Variants in DDX60L observed in about 807,000 individuals in gnomAD.
DDX60L encodes the protein probable ATP-dependent RNA helicase DDX60-like.
A neutral mutation model predicts 211.6 loss-of-function variants in DDX60L; 191 were observed. The ratio of observed to expected loss-of-function variants is 0.90; its 90% CI spans 0.80 to 1.02. The LOEUF (loss-of-function observed/expected upper bound fraction) is 1.02, where lower values mean the gene tolerates loss of function less well. DDX60L is among the 50% of genes least tolerant of loss of function. The probability of loss-of-function intolerance (pLI) is 0.00; values close to 1 mark genes in which losing one functional copy is unlikely to be tolerated. For missense variants in DDX60L, 2,007 were observed against 1,984.1 expected (o/e 1.01, Z -0.22); for synonymous variants, 706 against 694.1 (o/e 1.02, Z -0.27).
intron 1 of DDX60L, chr4:168,475,934 ACTCT>A (rs1167188717): frequency 7.4e-6 from 1 of 135,336 alleles, no homozygotes. Flanking sequence ...CTGCTTGCTC[ACTCT>A]CTCTCTCAGA....
chr4:168,480,065 GGCTGTGCTCA>G (rs1172876360), intron 1 of DDX60L: 2 of 151,700 alleles, frequency 1.3e-5, no homozygotes, highest in Non-Finnish European at 2.9e-5. Context: ...AGGTTCGAAT[GGCTGTGCTCA>G]GATGTGGTGA....
chr4:168,377,640 T>G (rs980859702), intron 33 of DDX60L: 4 of 152,174 alleles, frequency 2.6e-5, no homozygotes, highest in African/African-American at 4.8e-5. Flanking sequence ...AATGTGGATA[T>G]ATGTCAGTAA....
At chr4:168,395,444 T>C (rs1745602969) in intron 27 of DDX60L, among the ~76,000 whole-genome samples, 1 of 152,188 alleles carries the variant, frequency 6.6e-6, no homozygotes, top group African/African-American at 2.4e-5. Flanking sequence ...GAACAGTGAG[T>C]CTCTCTGAGC....
At chr4:168,378,529 T>C (rs897978650) in intron 32 of DDX60L, 54 bp from the exon 33 acceptor site, 1 of 1,343,150 alleles carries the variant, frequency 7.4e-7, no homozygotes. Flanking sequence ...TTCCATTTAT[T>C]TTCTGCCTAA....
At chr4:168,420,102 T>A (rs1453717437) in intron 18 of DDX60L, among the ~76,000 whole-genome samples, 159 bp downstream of exon 18, 2 of 152,174 alleles carry the variant, frequency 1.3e-5, no homozygotes, top group Non-Finnish European at 2.9e-5. Flanking sequence ...CTTTTTAGAG[T>A]AGAACAACCT....
At position 168,461,697 on chromosome 4, in the gene DDX60L, A is replaced by G. The variant is rs371518911; in HGVS notation, c.606+2T>C. ...AAAAAATGAGTTATTAATGTCAATT[A>G]CCTCCTTGGAAAAAGTTTGGTTTCT... is the stretch of plus-strand genomic sequence containing the variant. On this transcript the variant is annotated splice_donor_variant, in intron 5 of 37. Transcript: ENST00000682922. LOFTEE classifies it high-confidence loss of function. 16 of 1,517,808 alleles carry G rather than the reference A, an allele frequency of 1.1e-5. No homozygotes were observed. The highest frequency in any genetic ancestry group is 1.4e-5 in the Non-Finnish European group (16 of 1,130,264). The allele number at this position is 1,517,808 out of a possible 1,614,324, so 94.0% of individuals were successfully genotyped here. A position where few individuals can be genotyped will look rare whatever the true frequency, so the allele number is the denominator to read the frequency against.
chr4:168,446,415 T>C (rs1390307536), intron 9 of DDX60L, among the ~76,000 whole-genome samples: 3 of 152,196 alleles, frequency 2.0e-5, no homozygotes, highest in South Asian at 2.1e-4. Context: ...TCCATGCTCA[T>C]GGGTAGGAAG....
chr4:168,388,473 C>T (rs1157904742), intron 29 of DDX60L, among the ~76,000 whole-genome samples: 1 of 152,244 alleles, frequency 6.6e-6, no homozygotes, highest in African/African-American at 2.4e-5. Context: ...CTACTAATAA[C>T]AGCTGGCATT....
intron 15 of DDX60L, among the ~76,000 whole-genome samples, chr4:168,423,341 T>C (rs192139238): frequency 6.4e-4 from 97 of 152,220 alleles, no homozygotes; most frequent in Non-Finnish European, 9.7e-4. Context: ...ACCAAGAGGG[T>C]TTAAAGTGGC....
intron 30 of DDX60L, 68 bp from the exon 31 acceptor site, chr4:168,379,898 A>G (rs1193851977): frequency 5.4e-6 from 6 of 1,107,226 alleles, no homozygotes; most frequent in Non-Finnish European, 7.9e-6. Flanking sequence ...TATGTAATAA[A>G]TAGTACACAT....
intron 8 of DDX60L, among the ~76,000 whole-genome samples, chr4:168,449,665 A>AAAAAAAAAAAAAAAAAAAAAT (rs1755474696): frequency 1.1e-4 from 3 of 28,500 alleles, no homozygotes; most frequent in African/African-American, 4.2e-4. Context: ...AAAAAAAAAA[A>AAAAAAAAAAAAAAAAAAAAAT]GAAAAAAGAA....
chr4:168,421,693 C>A lies in DDX60L; in HGVS notation c.2394+67G>T, dbSNP rs28472390. 107 of 1,568,996 alleles carry A rather than the reference C, an allele frequency of 6.8e-5. No homozygotes were observed. In the African/African-American group the frequency reaches 1.4e-3, roughly 20 times the overall value. ...CAGTGAATTAGATCTAGCATGTGAC[C>A]GTGTGCATTCTTTTTAAAGGGGATG... On this transcript the variant is annotated intron_variant, in intron 17 of 37. Coordinates refer to ENST00000682922, the MANE Select transcript of DDX60L (RefSeq NM_001012967.3).
chr4:168,431,546 CTG>C (rs1752340755), intron 12 of DDX60L, among the ~76,000 whole-genome samples: 1 of 117,080 alleles, frequency 8.5e-6, no homozygotes, highest in South Asian at 2.9e-4. Flanking sequence ...ACTCTGGGGA[CTG>C]TTGTGCGGTG....
At chr4:168,435,280 G>A (rs1309951264) in intron 10 of DDX60L, among the ~76,000 whole-genome samples, 1 of 152,182 alleles carries the variant, frequency 6.6e-6, no homozygotes, top group African/African-American at 2.4e-5. Context: ...CTGACCTGTG[G>A]AACGAGGGCT....
At chr4:168,427,816 G>A (rs190737659) in intron 13 of DDX60L, among the ~76,000 whole-genome samples, 30 of 152,298 alleles carry the variant, frequency 2.0e-4, no homozygotes, top group Admixed American at 1.4e-3. Flanking sequence ...GGAAAATGGA[G>A]GAGTCACACA....
At position 168,371,657 on chromosome 4, in the gene DDX60L, T is replaced by C. The variant is rs1294791345; in HGVS notation, c.4883A>G (p.Asn1628Ser). The part of the protein sequence containing the change: ...RRMPLNAYVL[N>S]FYKHNCLTRL... ...TGTCAAGCAGTTGTGTTTATAGAAA[T>C]TGAGCACATATGCATTTAGTGGCAT... Residue 1628 changes from asparagine (N) to serine (S), a missense_variant, in exon 36 of 38, where the codon AAT becomes AGT. Physicochemically the swap from Asn to Ser is conservative, Grantham distance 46 (BLOSUM62 1). Coordinates refer to ENST00000682922, the MANE Select transcript of DDX60L (RefSeq NM_001012967.3). 1 of 1,589,996 alleles carries C rather than the reference T, an allele frequency of 6.3e-7. No individual in the cohort carries two copies. Among genetic ancestry groups the C allele is most frequent in the Admixed American group, 1.8e-5 (1 of 56,382 alleles).
chr4:168,393,359 G>A (rs745525516), intron 28 of DDX60L, among the ~76,000 whole-genome samples: 29 of 152,162 alleles, frequency 1.9e-4, no homozygotes, highest in Admixed American at 1.2e-3. Flanking sequence ...AGCTGGGTGT[G>A]GTGGTGCATG....
intron 24 of DDX60L, 101 bp downstream of exon 24, chr4:168,405,849 C>T (rs927945506): frequency 3.9e-6 from 5 of 1,281,078 alleles, no homozygotes; most frequent in East Asian, 2.7e-5. Context: ...AAACAAAAAT[C>T]GGAATAAAAA....
chr4:168,449,147 C>T (rs1755275064), intron 8 of DDX60L, among the ~76,000 whole-genome samples: 1 of 152,090 alleles, frequency 6.6e-6, no homozygotes, highest in Admixed American at 6.5e-5. Flanking sequence ...ATTCCTCTCA[C>T]TTTGGGGTCA....
Sources: allele counts gnomAD v4.1 joint callset (sites outside exome capture counted in the v4.1 genomes callset), GRCh38; gene constraint gnomAD v4.1.1; transcripts MANE v1.5; gene names NCBI Gene and HGNC (gene_info 2026-07-23, HGNC 2026-07-21).